Variants in ELMO1 observed in about 807,000 individuals in gnomAD.
ELMO1 encodes the protein engulfment and cell motility protein 1.
Under a neutral mutation model 98.9 loss-of-function variants are expected in ELMO1, and 26 were observed. The observed-to-expected ratio is 0.26, with a 90% CI of 0.19 to 0.36. ELMO1 has a LOEUF of 0.36. Ranked by LOEUF, ELMO1 falls within the 10% of genes least tolerant of loss-of-function variation. ELMO1 has a pLI of 1.00. For synonymous variants in ELMO1, 346 were observed against 346.0 expected, an observed-to-expected ratio of 1.00 and a Z score of 0.00; for missense variants, 627 against 935.2, an observed-to-expected ratio of 0.67 and a Z score of 4.30.
At chr7:36,902,521 T>C (rs1783649538) in intron 16 of ELMO1, among the ~76,000 whole-genome samples, 1 of 152,212 alleles carries the variant, frequency 6.6e-6, no homozygotes, top group Non-Finnish European at 1.5e-5. Context: ...TTACGGGGCA[T>C]CACATCAAAA....
chr7:37,326,372 C>T (rs1252103407), intron 2 of ELMO1, among the ~76,000 whole-genome samples: 3 of 151,842 alleles, frequency 2.0e-5, no homozygotes, highest in African/African-American at 7.3e-5. Context: ...CTGGCCCACA[C>T]GGTGAAACTC....
chr7:37,029,631 C>T (rs1332969521), intron 15 of ELMO1, among the ~76,000 whole-genome samples: 2 of 152,070 alleles, frequency 1.3e-5, no homozygotes, highest in Non-Finnish European at 2.9e-5. Flanking sequence ...TCTGGTTTTG[C>T]AGTTAATAAA....
intron 16 of ELMO1, among the ~76,000 whole-genome samples, chr7:36,994,433 C>T (rs1792067620): frequency 6.6e-6 from 1 of 152,224 alleles, no homozygotes; most frequent in South Asian, 2.1e-4. Flanking sequence ...GGAATACCAT[C>T]TCTAGATGTA....
At chr7:37,021,527 C>T (rs570112997) in intron 15 of ELMO1, among the ~76,000 whole-genome samples, 224 of 152,076 alleles carry the variant, frequency 1.5e-3, no homozygotes, top group Non-Finnish European at 2.7e-3. Context: ...TAATCAGAGG[C>T]CACATCCCAG....
chr7:37,122,040 T>G (rs558170790), intron 14 of ELMO1, among the ~76,000 whole-genome samples: 64 of 152,232 alleles, frequency 4.2e-4, no homozygotes, highest in Non-Finnish European at 7.9e-4. Context: ...AAACTAAGCT[T>G]CATAAGTGAA....
chr7:37,219,216 G>C (rs1259174819), intron 10 of ELMO1, among the ~76,000 whole-genome samples: 2 of 152,174 alleles, frequency 1.3e-5, no homozygotes, highest in East Asian at 3.9e-4. Context: ...CTAGGCCCCA[G>C]CACAGGCCTC....
At chr7:37,192,797 C>CAA (rs35594398) in intron 13 of ELMO1, among the ~76,000 whole-genome samples, 3,366 of 111,326 alleles carry the variant, frequency 0.03, 120 homozygotes, top group African/African-American at 0.068. Context: ...GACTCTGTCT[C>CAA]AAAAAAAAAA....
intron 6 of ELMO1, among the ~76,000 whole-genome samples, chr7:37,245,781 A>G (rs983977710): frequency 5.3e-5 from 8 of 152,248 alleles, no homozygotes; most frequent in African/African-American, 1.9e-4. Context: ...CATCTTGTTG[A>G]GCCAGAAAGT....
chr7:37,303,600 T>A (rs531590541), intron 4 of ELMO1, among the ~76,000 whole-genome samples: 1 of 152,370 alleles, frequency 6.6e-6, no homozygotes, highest in African/African-American at 2.4e-5. Context: ...TTTTTGCTTT[T>A]CACTGTAGTT....
intron 2 of ELMO1, among the ~76,000 whole-genome samples, chr7:37,338,195 C>T (rs1230708876): frequency 6.6e-6 from 1 of 152,140 alleles, no homozygotes; most frequent in Admixed American, 6.5e-5. Context: ...TTCACAAGGA[C>T]CATCAAAGTA....
chr7:36,918,848 G>T (rs1474186528), intron 16 of ELMO1, among the ~76,000 whole-genome samples: 1 of 152,142 alleles, frequency 6.6e-6, no homozygotes. Context: ...TGTGTAGACA[G>T]GTCTATAAAT....
At chr7:37,419,027 C>G (rs1215826644) in intron 1 of ELMO1, among the ~76,000 whole-genome samples, 1 of 152,004 alleles carries the variant, frequency 6.6e-6, no homozygotes. Flanking sequence ...CCCCATAACC[C>G]CACTCCTACC....
intron 18 of ELMO1, among the ~76,000 whole-genome samples, chr7:36,886,018 C>T (rs1304022706): frequency 6.6e-6 from 1 of 152,160 alleles, no homozygotes; most frequent in East Asian, 1.9e-4. Flanking sequence ...AGATCGCACC[C>T]ACATTGCCTG....
At chr7:36,866,005 G>A (rs1422987999) in intron 20 of ELMO1, among the ~76,000 whole-genome samples, 1 of 152,130 alleles carries the variant, frequency 6.6e-6, no homozygotes, top group African/African-American at 2.4e-5. Flanking sequence ...CATCACACTG[G>A]AAAAACAAAT....
chr7:36,942,186 C>T (rs554523083), intron 16 of ELMO1, among the ~76,000 whole-genome samples: 1 of 152,278 alleles, frequency 6.6e-6, no homozygotes, highest in Non-Finnish European at 1.5e-5. Context: ...TCCAGACCTC[C>T]AGGTAGCTGC....
In ELMO1 at chr7:36,870,322, G is replaced by T. The variant is rs1803401192; in HGVS notation, c.1905+71C>A. 11 of 1,361,890 alleles carry T rather than the reference G, an allele frequency of 8.1e-6. No individual in the cohort carries two copies. Among genetic ancestry groups the T allele is most frequent in the Non-Finnish European group, 1.2e-5 (11 of 954,962 alleles). 84.4% of individuals were successfully genotyped at this position (1,361,890 alleles called of 1,614,324 possible). ...CACACACGAACACTGCTATAAAGGA[G>T]GGCTAGGCTGGCTGCAGTTGCCGAC... On this transcript the variant is annotated intron_variant, in intron 20 of 21. Coordinates refer to ENST00000310758, the MANE Select transcript of ELMO1 (RefSeq NM_014800.11). This position sits in a 1 kb window ranked among gnomAD's most constrained non-coding sequence, Gnocchi z 4.4.
At chr7:37,318,620 G>A (rs1799328488) in intron 2 of ELMO1, among the ~76,000 whole-genome samples, 1 of 152,186 alleles carries the variant, frequency 6.6e-6, no homozygotes, top group African/African-American at 2.4e-5. Context: ...AAAGACCACA[G>A]ATGCACAAAG....
chr7:36,970,217 A>ACACG (rs903902428), intron 16 of ELMO1, among the ~76,000 whole-genome samples: 1 of 146,476 alleles, frequency 6.8e-6, no homozygotes, highest in African/African-American at 2.5e-5. Flanking sequence ...ACACACACAC[A>ACACG]CACGCACACC....
intron 4 of ELMO1, among the ~76,000 whole-genome samples, chr7:37,306,467 G>A (rs1253790309): frequency 2.6e-5 from 4 of 152,200 alleles, no homozygotes; most frequent in African/African-American, 9.6e-5. Context: ...CTCAGGGAGT[G>A]CATGGGGAGT....
Sources: gnomAD v4.1 joint callset for allele counts (sites outside exome capture counted in the v4.1 genomes callset) on GRCh38, gnomAD v4.1.1 for gene constraint, Gnocchi (gnomAD v3.1) non-coding constraint, MANE v1.5 for transcripts, NCBI Gene and HGNC (gene_info 2026-07-23, HGNC 2026-07-21) for gene names.